Variants in PRKCSH observed in about 807,000 individuals in gnomAD.
The protein encoded by PRKCSH is glucosidase 2 subunit beta.
In PRKCSH, 42 loss-of-function variants were observed where a neutral mutation model predicts 79.7. That is an observed-to-expected ratio of 0.53 (90% CI 0.41 to 0.68). The LOEUF (loss-of-function observed/expected upper bound fraction) is 0.68, where lower values mean the gene tolerates loss of function less well. PRKCSH is among the 30% of genes least tolerant of loss of function. The probability of loss-of-function intolerance (pLI) is 0.00; values close to 1 mark genes in which losing one functional copy is unlikely to be tolerated. For missense variants in PRKCSH, 686 were observed against 709.0 expected, an observed-to-expected ratio of 0.97 and a Z score of 0.37; for synonymous variants, 325 against 288.2, an observed-to-expected ratio of 1.13 and a Z score of -1.29.
At chr19:11,441,388 G>A in intron 6 of PRKCSH, 31 bp downstream of exon 6, 1 of 1,604,182 alleles carries the variant, frequency 6.2e-7, no homozygotes, top group Non-Finnish European at 8.5e-7. Context: ...GCCCCAGGGT[G>A]ATCTGGGCCT....
At position 11,448,485 on chromosome 19, in the gene PRKCSH, G is replaced by C. The variant is rs559506007; in HGVS notation, c.1197-55G>C. The C allele has an allele frequency of 1.3e-4, 205 of 1,538,280 alleles. No individual in the cohort carries two copies. The African/African-American group carries it at 2.2e-3, about 17-fold the overall frequency. The stretch of plus-strand genomic sequence containing the variant: ...CAGACCCTCCTGTGTCTGTCGTCCT[G>C]GGTCAGGCACTGGCGTCCCCAGCTG... On this transcript the variant is annotated intron_variant, in intron 13 of 17. Transcript: ENST00000677123. The surrounding 1 kb of genome is among the most constrained non-coding windows in gnomAD (Gnocchi z 4.4).
chr19:11,437,696 G>A (rs751404300), intron 3 of PRKCSH, among the ~76,000 whole-genome samples, 180 bp from the exon 4 acceptor site: 7 of 152,324 alleles, frequency 4.6e-5, no homozygotes, highest in Non-Finnish European at 7.4e-5. Context: ...GGCAGGAGGC[G>A]GCACTGGAGA....
chr19:11,448,956 A>G lies in PRKCSH; in HGVS notation c.1329A>G (p.Lys443=). 6.2e-7 allele frequency: 1 copy of G among 1,614,064 alleles called. No individual in the cohort carries two copies. The highest frequency in any genetic ancestry group is 1.3e-5 in the African/African-American group (1 of 75,022). ...RLCPFKLVSQ[K]PKLGGSPTSL... The stretch of plus-strand genomic sequence containing the variant: ...GCCCCTTCAAGCTTGTCTCGCAGAA[A>G]CCCAAACTCGGGGGCTCTCCCACCA... Residue 443 remains lysine (K), a synonymous_variant, in exon 15 of 18, where the codon AAA becomes AAG. Coordinates refer to ENST00000677123, the MANE Select transcript of PRKCSH (RefSeq NM_001289104.2). This position sits in a 1 kb window ranked among gnomAD's most constrained non-coding sequence, Gnocchi z 4.4.
Position 11,442,511 on chromosome 19 carries a change from G to T in PRKCSH, c.594G>T (p.Trp198Cys), listed in dbSNP as rs1970108994. 11 of 1,610,574 alleles carry T rather than the reference G, an allele frequency of 6.8e-6. No individual in the cohort carries two copies. The highest frequency in any genetic ancestry group is 9.3e-6 in the Non-Finnish European group (11 of 1,178,880). ...REAKEQHQKL[W>C]EEQLAAAKAQ... ...CCAAAGAGCAGCACCAGAAGCTGTG[G>T]GAAGGTATGGCAGAAATGGCCAAGG... The change falls in exon 7 of 18, where the codon TGG becomes TGT. Residue 198 changes from tryptophan to cysteine, a missense_variant. This residue lies in a region of PRKCSH where 549 missense variants were observed against 520.2 expected (regional missense o/e 1.06). Transcript: ENST00000677123.
intron 7 of PRKCSH, among the ~76,000 whole-genome samples, chr19:11,442,995 C>T (rs1970132366): frequency 6.6e-6 from 1 of 152,038 alleles, no homozygotes; most frequent in Non-Finnish European, 1.5e-5. Flanking sequence ...TGAGCCACCT[C>T]GCCCGGCCGC....
intron 9 of PRKCSH, 25 bp downstream of exon 9, chr19:11,446,375 G>A (rs762240189): frequency 1.2e-5 from 19 of 1,604,340 alleles, no homozygotes; most frequent in Non-Finnish European, 3.4e-6. Flanking sequence ...CCCTTGGTTG[G>A]GGACTTCTAG....
At chr19:11,439,681 C>T (rs1391314703) in intron 5 of PRKCSH, among the ~76,000 whole-genome samples, 3 of 128,968 alleles carry the variant, frequency 2.3e-5, no homozygotes, top group Admixed American at 9.6e-5. Context: ...AGTGCAGTGG[C>T]GCGATCTCGG....
intron 3 of PRKCSH, 109 bp downstream of exon 3, chr19:11,436,614 CAG>C: frequency 2.1e-6 from 2 of 934,024 alleles, no homozygotes; most frequent in South Asian, 2.8e-5. Flanking sequence ...TTTGAGTGGG[CAG>C]AAACAAGCTC....
intron 8 of PRKCSH, among the ~76,000 whole-genome samples, chr19:11,446,028 A>G (rs1488819455): frequency 1.3e-5 from 2 of 151,348 alleles, no homozygotes; most frequent in Non-Finnish European, 3.0e-5. Context: ...GTGAGTTGGT[A>G]GAGAGGTCAT....
intron 5 of PRKCSH, 136 bp downstream of exon 5, chr19:11,438,260 A>G (rs1969877452): frequency 6.3e-6 from 6 of 947,314 alleles, no homozygotes; most frequent in Non-Finnish European, 1.0e-5. Context: ...TGTGAATCCT[A>G]ATCCCCACCT....
In PRKCSH at chr19:11,448,046, C is replaced by T; in HGVS notation, c.1127-176C>T. 1 of 791,252 alleles carries T rather than the reference C, an allele frequency of 1.3e-6. No homozygotes were observed. The highest frequency in any genetic ancestry group is 1.7e-5 in the South Asian group (1 of 59,538). The allele number at this position is 791,252 out of a possible 1,614,324, so 49.0% of individuals were successfully genotyped here. The stretch of plus-strand genomic sequence containing the variant: ...CCCCACTCGCTCAGGAGCTGGGAGC[C>T]TGGGCAGCAAGTCGGGGCTGCTCTA... On this transcript the variant is annotated intron_variant, in intron 12 of 17. Transcript: ENST00000677123. This position sits in a 1 kb window ranked among gnomAD's most constrained non-coding sequence, Gnocchi z 4.4.
chr19:11,448,787 GT>G lies in PRKCSH; in HGVS notation c.1287-124del. ...AGGGGGAGCAGAAGCCAGGGGCCAG[GT>G]TTAGGGTTGGTCATTGGAGTTGGAG... On this transcript the variant is annotated intron_variant, in intron 14 of 17. Coordinates refer to ENST00000677123, the MANE Select transcript of PRKCSH (RefSeq NM_001289104.2). The surrounding 1 kb of genome is among the most constrained non-coding windows in gnomAD (Gnocchi z 4.4). The G allele has an allele frequency of 1.5e-6, 2 of 1,378,968 alleles. No homozygotes were observed. The highest frequency in any genetic ancestry group is 1.2e-5 in the South Asian group (1 of 86,178). The allele number at this position is 1,378,968 out of a possible 1,614,324, so 85.4% of individuals were successfully genotyped here.
intron 8 of PRKCSH, chr19:11,445,758 C>T: frequency 1.9e-6 from 1 of 519,832 alleles, no homozygotes; most frequent in East Asian, 3.5e-5. Flanking sequence ...CTTTTCCCAG[C>T]CCCACTACGC....
chr19:11,447,677 CCTGCCCCTGCCCCAGGAGGCCCCA>C lies in PRKCSH; in HGVS notation c.1030-14_1039del. On this transcript the variant is annotated splice_acceptor_variant and splice_polypyrimidine_tract_variant and coding_sequence_variant and intron_variant, in exon 12 of 18. Coordinates refer to ENST00000677123, the MANE Select transcript of PRKCSH (RefSeq NM_001289104.2). LOFTEE classifies it high-confidence loss of function. The surrounding 1 kb of genome is among the most constrained non-coding windows in gnomAD (Gnocchi z 5.6). Reference sequence around the variant, plus strand: ...GGTGGGGGAAGGGCTACTCACTGACCCTGCCCCTGCCCCAGGAGGCCCCACCGCCACTGTCACCCCCGCAGCCGG... The same window carrying C: ...GGTGGGGGAAGGGCTACTCACTGACCCCGCCACTGTCACCCCCGCAGCCGG... 6.4e-7 allele frequency: 1 copy of C among 1,562,056 alleles called. No individual in the cohort carries two copies. The highest frequency in any genetic ancestry group is 8.7e-7 in the Non-Finnish European group (1 of 1,152,426).
intron 7 of PRKCSH, among the ~76,000 whole-genome samples, chr19:11,443,283 C>A (rs552163999): frequency 2.2e-4 from 33 of 152,164 alleles, no homozygotes; most frequent in African/African-American, 5.8e-4. Flanking sequence ...CACAGTGGCT[C>A]ATGCCTGTAA....
At position 11,446,359 on chromosome 19, in the gene PRKCSH, GGCT is replaced by G; in HGVS notation, c.762+12_762+14del. 8 of 1,611,718 alleles carry G rather than the reference GGCT, an allele frequency of 5.0e-6. No homozygotes were observed. Among genetic ancestry groups the G allele is most frequent in the Non-Finnish European group, 4.2e-6 (5 of 1,178,860 alleles). ...CAGAAGCGGAAGCTCAGGTACCCCC[GGCT>G]GCCCCTTGGTTGGGGACTTCTAGGG... is the stretch of plus-strand genomic sequence containing the variant. On this transcript the variant is annotated intron_variant, in intron 9 of 17. Transcript: ENST00000677123.
At chr19:11,439,022 C>T (rs939011934) in intron 5 of PRKCSH, among the ~76,000 whole-genome samples, 1 of 151,970 alleles carries the variant, frequency 6.6e-6, no homozygotes, top group African/African-American at 2.4e-5. Flanking sequence ...ATTCTCACAC[C>T]TCAGCCTCCC....
Position 11,438,129 on chromosome 19 carries a change from G to T in PRKCSH, c.350+5G>T. The T allele has an allele frequency of 6.2e-7, 1 of 1,613,950 alleles. No homozygotes were observed. Among genetic ancestry groups the T allele is most frequent in the Non-Finnish European group, 8.5e-7 (1 of 1,179,922 alleles). Reference sequence around the variant, plus strand: ...CATCTGTGAGAACACCTGCAAGTACGTGGGTGACAGTACCCCTCCCATCAC... The same window carrying T: ...CATCTGTGAGAACACCTGCAAGTACTTGGGTGACAGTACCCCTCCCATCAC... On this transcript the variant is annotated splice_donor_5th_base_variant and intron_variant, in intron 5 of 17. Transcript: ENST00000677123.
At position 11,449,515 on chromosome 19, in the gene PRKCSH, A is replaced by G. The variant is rs894948513; in HGVS notation, c.*16+87A>G. 3.9e-6 allele frequency: 6 copies of G among 1,535,796 alleles called. No individual in the cohort carries two copies. Among genetic ancestry groups the G allele is most frequent in the African/African-American group, 2.7e-5 (2 of 73,222 alleles). On this transcript the variant is annotated intron_variant, in intron 17 of 17. Transcript: ENST00000677123. The surrounding 1 kb of genome is among the most constrained non-coding windows in gnomAD (Gnocchi z 6.4). ...GAAGATGGACCCACATGGCCACTCTATCAACCTGTGTCCCCATGTTCCCTG... is the reference window on the plus strand; with the variant it reads ...GAAGATGGACCCACATGGCCACTCTGTCAACCTGTGTCCCCATGTTCCCTG...
Sources: allele counts gnomAD v4.1 joint callset (sites outside exome capture counted in the v4.1 genomes callset), GRCh38; gene constraint gnomAD v4.1.1; regional missense constraint gnomAD v4.1.1; non-coding constraint Gnocchi (gnomAD v3.1); transcripts MANE v1.5; gene names NCBI Gene and HGNC (gene_info 2026-07-23, HGNC 2026-07-21).